The following HMCN1 variants were observed in gnomAD, a reference collection of about 807,000 sequenced individuals.
The protein encoded by HMCN1 is hemicentin 1, also known as hemicentin-1.
In HMCN1, 321 loss-of-function variants were observed where a neutral mutation model predicts 625.9. The ratio of observed to expected loss-of-function variants is 0.51; its 90% CI spans 0.47 to 0.56. HMCN1 has a LOEUF of 0.56. Among genes scored for constraint, HMCN1 ranks in the 20% least tolerant of loss-of-function variants. HMCN1 has a pLI of 0.00. For synonymous variants in HMCN1, 2,425 were observed against 2,417.6 expected, an observed-to-expected ratio of 1.00 and a Z score of -0.09; for missense variants, 6,588 against 6,887.3, an observed-to-expected ratio of 0.96 and a Z score of 1.54.
chr1:186,007,043 C>T (rs994277662), intron 29 of HMCN1, 85 bp from the exon 30 acceptor site: 5 of 994,578 alleles, frequency 5.0e-6, no homozygotes, highest in Non-Finnish European at 8.0e-6. Flanking sequence ...GTATTTTTAG[C>T]CTGTACTAAT....
At chr1:185,813,118 C>G (rs1164693720) in intron 1 of HMCN1, among the ~76,000 whole-genome samples, 1 of 152,058 alleles carries the variant, frequency 6.6e-6, no homozygotes, top group South Asian at 2.1e-4. Context: ...CTTTTCAGAG[C>G]CTGACATGGG....
intron 2 of HMCN1, among the ~76,000 whole-genome samples, chr1:185,851,957 A>C (rs1230404523): frequency 1.3e-5 from 2 of 152,098 alleles, no homozygotes; most frequent in Admixed American, 6.6e-5. Flanking sequence ...AAAGTCTTTT[A>C]ATAAAATTGA....
chr1:186,137,344 CTT>C (rs1294568547), intron 87 of HMCN1, among the ~76,000 whole-genome samples, 152 bp from the exon 88 acceptor site: 2 of 152,192 alleles, frequency 1.3e-5, no homozygotes, highest in South Asian at 2.1e-4. Flanking sequence ...TTCTCTCTCT[CTT>C]GGATTTTAAT....
intron 4 of HMCN1, among the ~76,000 whole-genome samples, chr1:185,899,370 A>T (rs948969120): frequency 6.6e-6 from 1 of 152,138 alleles, no homozygotes; most frequent in Admixed American, 6.6e-5. Context: ...AGATTATACA[A>T]CCAAAAATGC....
chr1:185,897,346 T>C (rs1482117883), intron 4 of HMCN1, among the ~76,000 whole-genome samples: 4 of 152,180 alleles, frequency 2.6e-5, no homozygotes, highest in Non-Finnish European at 4.4e-5. Context: ...AGAATCCTTC[T>C]TAAATACAAA....
intron 1 of HMCN1, among the ~76,000 whole-genome samples, chr1:185,833,742 A>T (rs1661011480): frequency 6.6e-6 from 1 of 152,128 alleles, no homozygotes; most frequent in Admixed American, 6.5e-5. Context: ...TACCATAATT[A>T]TAATATTTTA....
intron 102 of HMCN1, among the ~76,000 whole-genome samples, chr1:186,173,073 T>C (rs1372875685): frequency 6.6e-6 from 1 of 152,220 alleles, no homozygotes; most frequent in Non-Finnish European, 1.5e-5. Context: ...TTGTTCCTTC[T>C]TGACAGCTAT....
chr1:185,983,623 T>A (rs1011299022), intron 18 of HMCN1, among the ~76,000 whole-genome samples: 4 of 152,170 alleles, frequency 2.6e-5, no homozygotes, highest in Non-Finnish European at 5.9e-5. Context: ...TTAGAGGTGA[T>A]CATTCTTAAC....
At chr1:185,943,897 C>T (rs953387611) in intron 11 of HMCN1, among the ~76,000 whole-genome samples, 6 of 152,106 alleles carry the variant, frequency 3.9e-5, no homozygotes, top group African/African-American at 1.4e-4. Context: ...AAAAGACACT[C>T]ATCACTCAGG....
chr1:186,076,587 C>T lies in HMCN1; in HGVS notation c.8450C>T (p.Pro2817Leu). The stretch of plus-strand genomic sequence containing the variant: ...CTGACATGGTACAAAGATGGCCACC[C>T]TCTGACCTCAAGTGATAAAGTATTG... ...PTLTWYKDGH[P>L]LTSSDKVLIL... The change falls in exon 54 of 107, where the codon CCT (proline) becomes CTT (leucine). Residue 2817 changes from proline to leucine, a missense_variant. Around this residue, in one of 3 missense-constraint regions of HMCN1, gnomAD observed 4,628 missense variants for 4,853.1 expected, o/e 0.95. Transcript: ENST00000271588. 1 of 1,613,746 alleles carries T rather than the reference C, an allele frequency of 6.2e-7. No individual in the cohort carries two copies. Among genetic ancestry groups the T allele is most frequent in the Non-Finnish European group, 8.5e-7 (1 of 1,179,788 alleles).
At position 185,843,076 on chromosome 1, in the gene HMCN1, A is replaced by G. The variant is rs1477443634; in HGVS notation, c.269-2950A>G. Among the ~76,000 whole-genome samples the G allele has an allele frequency of 2.0e-5, 3 of 152,334 alleles. No homozygotes were observed. In the South Asian group the frequency reaches 6.2e-4, roughly 32 times the overall value. On this transcript the variant is annotated intron_variant, in intron 1 of 106. Transcript: ENST00000271588. ...AATCTTTAATGCCCTTTCTAGCTCT[A>G]TACTTATATTTGAGATTGATGGTTA...
At chr1:186,051,337 G>T (rs1656935317) in intron 42 of HMCN1, among the ~76,000 whole-genome samples, 1 of 152,036 alleles carries the variant, frequency 6.6e-6, no homozygotes, top group South Asian at 2.1e-4. Context: ...GTAAAGGAGG[G>T]ATGTCTGTGT....
intron 81 of HMCN1, among the ~76,000 whole-genome samples, chr1:186,124,593 T>C (rs997792869): frequency 1.3e-5 from 2 of 152,104 alleles, no homozygotes; most frequent in African/African-American, 4.8e-5. Context: ...AAGTTATCTA[T>C]GTTTGTATCT....
At chr1:185,774,687 G>A (rs1246787079) in intron 1 of HMCN1, among the ~76,000 whole-genome samples, 1 of 152,090 alleles carries the variant, frequency 6.6e-6, no homozygotes, top group African/African-American at 2.4e-5. Context: ...TTGTTAATTC[G>A]AGCTTGGAGT....
rs560013404 is a variant in HMCN1 at position 186,098,232 on chromosome 1, CA to C, written c.10573+2712del. Among the ~76,000 whole-genome samples the C allele has an allele frequency of 7.6e-4, 115 of 152,062 alleles. 1 individual carries two copies. In the South Asian group the frequency reaches 1.0e-2, roughly 13 times the overall value. On this transcript the variant is annotated intron_variant, in intron 68 of 106. Coordinates refer to ENST00000271588, the MANE Select transcript of HMCN1 (RefSeq NM_031935.3). ...TTATATCAAACAAAAAGCTTCTGCA[CA>C]GCTAAGGAAACATTCAACAAAGTGA...
chr1:185,844,470 T>G (rs187980392), intron 1 of HMCN1, among the ~76,000 whole-genome samples: 112 of 152,316 alleles, frequency 7.4e-4, no homozygotes, highest in South Asian at 4.1e-4. Flanking sequence ...CTACAGTCTG[T>G]TTTTGTACCA....
At chr1:186,185,741 C>T (rs1653257236) in intron 105 of HMCN1, among the ~76,000 whole-genome samples, 1 of 152,110 alleles carries the variant, frequency 6.6e-6, no homozygotes, top group Non-Finnish European at 1.5e-5. Flanking sequence ...ATATAAATAC[C>T]ATTATCCAAC....
intron 45 of HMCN1, among the ~76,000 whole-genome samples, chr1:186,056,216 G>A (rs113995365): frequency 5.3e-4 from 81 of 152,078 alleles, no homozygotes; most frequent in African/African-American, 1.8e-3. Flanking sequence ...AAATTTAATG[G>A]ACACAAATCT....
At chr1:186,107,633 A>G (rs1660670837) in intron 70 of HMCN1, among the ~76,000 whole-genome samples, 1 of 152,078 alleles carries the variant, frequency 6.6e-6, no homozygotes, top group Non-Finnish European at 1.5e-5. Flanking sequence ...TTTACTCCAT[A>G]TTTTTGGAGG....
Sources: gnomAD v4.1 joint callset for allele counts (sites outside exome capture counted in the v4.1 genomes callset) on GRCh38, gnomAD v4.1.1 for gene constraint, gnomAD v4.1.1 regional missense constraint, MANE v1.5 for transcripts, NCBI Gene and HGNC (gene_info 2026-07-23, HGNC 2026-07-21) for gene names.